KIAA1328: variants seen among roughly 807,000 people sequenced by gnomAD.
The protein encoded by KIAA1328 is protein hinderin.
In KIAA1328, 52 loss-of-function variants were observed where a neutral mutation model predicts 68.1. That is an observed-to-expected ratio of 0.76 (90% CI 0.61 to 0.96). The LOEUF is 0.96. KIAA1328 is among the 40% of genes least tolerant of loss of function. The pLI is 0.00. For missense variants in KIAA1328, 641 were observed against 677.6 expected (o/e 0.95, Z 0.60); for synonymous variants, 232 against 239.4 (o/e 0.97, Z 0.28).
intron 7 of KIAA1328, among the ~76,000 whole-genome samples, chr18:37,087,234 A>AT (rs112428734): frequency 0.27 from 40,330 of 150,900 alleles, 8,487 homozygotes; most frequent in African/African-American, 0.59. Flanking sequence ...AATTTTTTGT[A>AT]TTTTTTTTAG....
chr18:37,188,356 T>C (rs904436424), intron 9 of KIAA1328, among the ~76,000 whole-genome samples: 1 of 152,128 alleles, frequency 6.6e-6, no homozygotes, highest in Non-Finnish European at 1.5e-5. Context: ...TGAAATAGAA[T>C]AGTGGGGGAA....
chr18:36,834,631 T>G (rs2046611521), intron 2 of KIAA1328, among the ~76,000 whole-genome samples: 2 of 152,202 alleles, frequency 1.3e-5, no homozygotes, highest in East Asian at 1.9e-4. Context: ...ATTTTTTCTT[T>G]TACAAATGAT....
intron 7 of KIAA1328, 92 bp downstream of exon 7, chr18:37,067,637 T>G: frequency 7.7e-7 from 1 of 1,307,162 alleles, no homozygotes; most frequent in Non-Finnish European, 1.0e-6. Context: ...CTCAGCTCAC[T>G]GCAGCCTCCG....
chr18:37,184,444 T>C (rs970664300), intron 9 of KIAA1328, among the ~76,000 whole-genome samples: 16 of 152,200 alleles, frequency 1.1e-4, no homozygotes, highest in Non-Finnish European at 1.5e-4. Flanking sequence ...TGCTTAGCCA[T>C]TCCATTATCT....
rs886889116 is a variant in KIAA1328 at position 37,134,476 on chromosome 18, CA to C, written c.1233-25716del. On this transcript the variant is annotated intron_variant, in intron 7 of 9. Coordinates refer to ENST00000280020, the MANE Select transcript of KIAA1328 (RefSeq NM_020776.3). ...TTATGAAAAATTGCAATATTTCCTA[CA>C]AAAAAAACTTAGAAAAATATCATTG... Among the ~76,000 whole-genome samples, 83 of 151,718 alleles carry C rather than the reference CA, an allele frequency of 5.5e-4. 1 individual carries two copies. Among genetic ancestry groups the C allele is most frequent in the African/African-American group, 1.8e-3 (75 of 41,418 alleles).
intron 6 of KIAA1328, among the ~76,000 whole-genome samples, chr18:36,961,103 C>T (rs558337583): frequency 1.4e-4 from 21 of 152,098 alleles, no homozygotes; most frequent in South Asian, 4.2e-4. Flanking sequence ...AGAATAAACA[C>T]GGTAGAGAAG....
chr18:37,207,071 G>A lies in KIAA1328; in HGVS notation c.1524-14946G>A, dbSNP rs186880698. Among the ~76,000 whole-genome samples the A allele has an allele frequency of 4.6e-3, 698 of 152,260 alleles. 4 individuals are homozygous for A. Among genetic ancestry groups the A allele is most frequent in the South Asian group, 0.017 (84 of 4,814 alleles). ...ATATGATGGCAAAAAGGTAGAAAAA[G>A]AAAGAGTAGTTGGAGGTAAAAAGGA... On this transcript the variant is annotated intron_variant, in intron 9 of 9. Coordinates refer to ENST00000280020, the MANE Select transcript of KIAA1328 (RefSeq NM_020776.3).
At chr18:37,014,006 GTT>G (rs1184373124) in intron 6 of KIAA1328, among the ~76,000 whole-genome samples, 1 of 152,244 alleles carries the variant, frequency 6.6e-6, no homozygotes, top group South Asian at 2.1e-4. Context: ...GCCAGCATCT[GTT>G]TTTTTGTTTA....
intron 6 of KIAA1328, among the ~76,000 whole-genome samples, chr18:36,985,716 A>G (rs937680220): frequency 6.6e-6 from 1 of 152,176 alleles, no homozygotes; most frequent in Non-Finnish European, 1.5e-5. Flanking sequence ...TTAACTCATA[A>G]GGGATCATAG....
intron 8 of KIAA1328, among the ~76,000 whole-genome samples, chr18:37,171,331 C>T (rs1463159506): frequency 6.6e-6 from 1 of 152,136 alleles, no homozygotes; most frequent in Admixed American, 6.5e-5. Context: ...CCTGCCTCAA[C>T]CTCCTGAGTA....
At chr18:36,839,776 G>A (rs969040936) in intron 3 of KIAA1328, among the ~76,000 whole-genome samples, 1 of 152,098 alleles carries the variant, frequency 6.6e-6, no homozygotes, top group African/African-American at 2.4e-5. Context: ...GCCCATTGTA[G>A]GCCATACTCT....
intron 5 of KIAA1328, among the ~76,000 whole-genome samples, chr18:36,936,924 G>C (rs914760179): frequency 1.3e-5 from 2 of 152,134 alleles, no homozygotes; most frequent in African/African-American, 4.8e-5. Context: ...AAAGAACAAA[G>C]CTGGCGGCAT....
chr18:37,014,426 A>G (rs1419820067), intron 6 of KIAA1328, among the ~76,000 whole-genome samples: 6 of 152,146 alleles, frequency 3.9e-5, no homozygotes, highest in Non-Finnish European at 8.8e-5. Flanking sequence ...CCATGTCCCA[A>G]ATGATGTTTC....
intron 4 of KIAA1328, among the ~76,000 whole-genome samples, chr18:36,870,103 C>T (rs940093193): frequency 1.3e-5 from 2 of 152,114 alleles, no homozygotes; most frequent in African/African-American, 4.8e-5. Context: ...ACCTCGTGAT[C>T]TGCCTGCCTC....
chr18:37,022,039 C>A (rs1379944172), intron 6 of KIAA1328, among the ~76,000 whole-genome samples: 3 of 151,566 alleles, frequency 2.0e-5, no homozygotes, highest in Non-Finnish European at 4.4e-5. Flanking sequence ...GACTCTGTCT[C>A]ATAAATTAAT....
At chr18:36,982,634 T>TCC (rs1440321159) in intron 6 of KIAA1328, among the ~76,000 whole-genome samples, 4 of 152,006 alleles carry the variant, frequency 2.6e-5, no homozygotes, top group African/African-American at 9.7e-5. Flanking sequence ...GTAGAAATGT[T>TCC]AAAGGAAGTC....
At chr18:37,018,871 T>C (rs2054241778) in intron 6 of KIAA1328, among the ~76,000 whole-genome samples, 1 of 152,164 alleles carries the variant, frequency 6.6e-6, no homozygotes, top group African/African-American at 2.4e-5. Flanking sequence ...AACCTTGTCT[T>C]GAATCTCATC....
intron 6 of KIAA1328, among the ~76,000 whole-genome samples, chr18:37,050,436 C>T (rs1411458688): frequency 1.3e-5 from 2 of 151,960 alleles, no homozygotes; most frequent in East Asian, 3.9e-4. Context: ...ATTATTTCAC[C>T]TTTTTCTGAT....
intron 4 of KIAA1328, among the ~76,000 whole-genome samples, chr18:36,854,268 C>T (rs879328236): frequency 3.3e-5 from 5 of 152,176 alleles, no homozygotes; most frequent in Non-Finnish European, 5.9e-5. Flanking sequence ...GACTTCTAGC[C>T]TCCAGAAATA....
Sources: gnomAD v4.1 joint callset for allele counts (sites outside exome capture counted in the v4.1 genomes callset) on GRCh38, gnomAD v4.1.1 for gene constraint, MANE v1.5 for transcripts, NCBI Gene and HGNC (gene_info 2026-07-23, HGNC 2026-07-21) for gene names.